COG5: variants seen among roughly 807,000 people sequenced by gnomAD.
The protein encoded by COG5 is conserved oligomeric Golgi complex subunit 5.
A neutral mutation model predicts 110.4 loss-of-function variants in COG5; 86 were observed. The observed-to-expected ratio is 0.78, with a 90% confidence interval of 0.65 to 0.93. COG5 has a LOEUF of 0.93. COG5 is among the 40% of genes least tolerant of loss of function. The pLI is 0.00. For missense variants in COG5, 1,077 were observed against 987.0 expected, an observed-to-expected ratio of 1.09 and a Z score of -1.22; for synonymous variants, 360 against 334.6, an observed-to-expected ratio of 1.08 and a Z score of -0.83.
intron 6 of COG5, among the ~76,000 whole-genome samples, chr7:107,451,106 G>A (rs1230497384): frequency 6.6e-6 from 1 of 152,188 alleles, no homozygotes; most frequent in East Asian, 1.9e-4. Context: ...ACATGCCATC[G>A]CTGTTACAGA....
chr7:107,551,328 C>G (rs1462073731), intron 3 of COG5, among the ~76,000 whole-genome samples: 1 of 152,258 alleles, frequency 6.6e-6, no homozygotes, highest in Middle Eastern at 3.4e-3. Flanking sequence ...AACAAAAACT[C>G]TATTGCTATA....
chr7:107,305,635 G>GT (rs1807649787), intron 11 of COG5, among the ~76,000 whole-genome samples: 1 of 151,984 alleles, frequency 6.6e-6, no homozygotes, highest in Admixed American at 6.6e-5. Flanking sequence ...TCAACCATGG[G>GT]TGGAGTCTCA....
rs189553194 is a variant in COG5 at position 107,354,998 on chromosome 7, C to T, written c.1026+7035G>A. On this transcript the variant is annotated intron_variant, in intron 10 of 21. Coordinates refer to ENST00000297135, the MANE Select transcript of COG5 (RefSeq NM_006348.5). ...TTCCAAATGCTAAAAGCTATACTTACTCTTATGTAAATTATTTTGGACCAC... is the reference window on the plus strand; with the variant it reads ...TTCCAAATGCTAAAAGCTATACTTATTCTTATGTAAATTATTTTGGACCAC... Among the ~76,000 whole-genome samples, 72 of 152,294 alleles carry T rather than the reference C, an allele frequency of 4.7e-4. 1 individual carries two copies.
intron 6 of COG5, among the ~76,000 whole-genome samples, chr7:107,525,863 G>A (rs1800693726): frequency 1.3e-5 from 2 of 152,062 alleles, no homozygotes; most frequent in Non-Finnish European, 2.9e-5. Flanking sequence ...GGGCCTCCAG[G>A]TACCAGCCAC....
At chr7:107,495,362 A>G (rs1006069734) in intron 6 of COG5, among the ~76,000 whole-genome samples, 5 of 152,182 alleles carry the variant, frequency 3.3e-5, no homozygotes, top group Admixed American at 6.5e-5. Flanking sequence ...TAAAGAACTG[A>G]GCAAAACCAG....
At chr7:107,206,946 T>C (rs1309386557) in intron 21 of COG5, among the ~76,000 whole-genome samples, 1 of 152,190 alleles carries the variant, frequency 6.6e-6, no homozygotes. Context: ...TAACTCTGGT[T>C]TGTAACCAAA....
At chr7:107,484,011 G>A (rs1797504649) in intron 6 of COG5, among the ~76,000 whole-genome samples, 1 of 151,944 alleles carries the variant, frequency 6.6e-6, no homozygotes, top group Admixed American at 6.6e-5. Context: ...AGCAAAACTG[G>A]TAAATGTTAG....
At position 107,208,894 on chromosome 7, in the gene COG5, A is replaced by C. The variant is rs1208606195; in HGVS notation, c.2375+1632T>G. On this transcript the variant is annotated intron_variant, in intron 21 of 21. Transcript: ENST00000297135. ...AGCTTCCTCAGCAGTCTTTCATCCT[A>C]ACTGAAATATGACCCACTATGGCAG... 1.4e-5 allele frequency: 14 copies of C among 985,242 alleles called. No homozygotes were observed. In the African/African-American group the frequency reaches 2.3e-4, roughly 16 times the overall value. The allele number at this position is 985,242 out of a possible 1,614,324, so 61.0% of individuals were successfully genotyped here.
At chr7:107,395,102 G>C (rs1225513912) in intron 7 of COG5, among the ~76,000 whole-genome samples, 2 of 152,142 alleles carry the variant, frequency 1.3e-5, no homozygotes, top group Non-Finnish European at 2.9e-5. Flanking sequence ...AAACCACACA[G>C]AGATTTAAAA....
intron 7 of COG5, among the ~76,000 whole-genome samples, chr7:107,380,108 A>G (rs1814983830): frequency 1.3e-5 from 2 of 152,354 alleles, no homozygotes; most frequent in Non-Finnish European, 2.9e-5. Context: ...AGAACTCAGG[A>G]TTGAGAAATT....
chr7:107,418,159 G>GA (rs1333059628), intron 6 of COG5, among the ~76,000 whole-genome samples: 4 of 150,832 alleles, frequency 2.7e-5, no homozygotes, highest in Non-Finnish European at 4.4e-5. Flanking sequence ...ATCTGGAGAG[G>GA]AAAGATGCCT....
At chr7:107,549,505 C>G (rs1256922026) in intron 3 of COG5, among the ~76,000 whole-genome samples, 1 of 152,102 alleles carries the variant, frequency 6.6e-6, no homozygotes, top group East Asian at 1.9e-4. Flanking sequence ...CATTCTCCAG[C>G]CTCAGCCTCC....
intron 8 of COG5, among the ~76,000 whole-genome samples, chr7:107,364,209 C>G (rs926656137): frequency 1.3e-5 from 2 of 152,140 alleles, no homozygotes; most frequent in Non-Finnish European, 2.9e-5. Flanking sequence ...TGAAGCTAAT[C>G]ATGAAGAAAA....
chr7:107,314,437 T>A (rs1808545021), intron 11 of COG5, among the ~76,000 whole-genome samples: 1 of 152,210 alleles, frequency 6.6e-6, no homozygotes, highest in South Asian at 2.1e-4. Flanking sequence ...TAATAAATAC[T>A]TTTTTAAAAG....
At chr7:107,499,242 T>C (rs910944883) in intron 6 of COG5, among the ~76,000 whole-genome samples, 2 of 152,160 alleles carry the variant, frequency 1.3e-5, no homozygotes, top group African/African-American at 4.8e-5. Flanking sequence ...ACCATGCCTA[T>C]AGATAACAAT....
chr7:107,254,196 GTCTATA>G (rs768639198), intron 16 of COG5, among the ~76,000 whole-genome samples: 2 of 152,066 alleles, frequency 1.3e-5, no homozygotes, highest in South Asian at 2.1e-4. Context: ...ACTGTTATAT[GTCTATA>G]TCTATATTTT....
chr7:107,235,397 T>C (rs999254516), intron 18 of COG5, among the ~76,000 whole-genome samples: 1 of 152,226 alleles, frequency 6.6e-6, no homozygotes, highest in Non-Finnish European at 1.5e-5. Context: ...CTAACAGCTT[T>C]GAAAGGCTTA....
chr7:107,328,297 T>C (rs1809942046), intron 10 of COG5, among the ~76,000 whole-genome samples: 1 of 152,206 alleles, frequency 6.6e-6, no homozygotes, highest in Non-Finnish European at 1.5e-5. Context: ...AATAGTACAT[T>C]TGTGTATCTA....
At chr7:107,424,432 A>G (rs747222921) in intron 6 of COG5, among the ~76,000 whole-genome samples, 7 of 151,908 alleles carry the variant, frequency 4.6e-5, no homozygotes, top group Admixed American at 6.6e-5. Context: ...AGGCCTATAA[A>G]TATATAAAAA....
Sources: allele counts gnomAD v4.1 joint callset (sites outside exome capture counted in the v4.1 genomes callset), GRCh38; gene constraint gnomAD v4.1.1; transcripts MANE v1.5; gene names NCBI Gene and HGNC (gene_info 2026-07-23, HGNC 2026-07-21).